Variants in MAP4K3 observed in about 807,000 individuals in gnomAD.
The protein encoded by MAP4K3 is mitogen-activated protein kinase kinase kinase kinase 3.
In MAP4K3, 94 loss-of-function variants were observed where a neutral mutation model predicts 143.5. The observed-to-expected ratio is 0.65, with a 90% confidence interval of 0.55 to 0.78. The LOEUF is 0.78. Ranked by LOEUF, MAP4K3 falls within the 30% of genes least tolerant of loss-of-function variation. The pLI is 0.00. For missense variants in MAP4K3, 1,077 were observed against 1,068.1 expected, an observed-to-expected ratio of 1.01 and a Z score of -0.12; for synonymous variants, 416 against 347.2, an observed-to-expected ratio of 1.20 and a Z score of -2.20.
At chr2:39,282,219 C>T (rs1203246102) in intron 22 of MAP4K3, among the ~76,000 whole-genome samples, 1 of 150,574 alleles carries the variant, frequency 6.6e-6, no homozygotes, top group Non-Finnish European at 1.5e-5. Context: ...AGAAAAAGGG[C>T]AGGCATGGTA....
chr2:39,410,806 T>C (rs1667213494), intron 1 of MAP4K3, among the ~76,000 whole-genome samples: 1 of 152,164 alleles, frequency 6.6e-6, no homozygotes, highest in Non-Finnish European at 1.5e-5. Context: ...AGAATAGCCA[T>C]TTTAGCTATA....
At chr2:39,396,631 G>C (rs572112477) in intron 1 of MAP4K3, among the ~76,000 whole-genome samples, 1 of 151,754 alleles carries the variant, frequency 6.6e-6, no homozygotes, top group Non-Finnish European at 1.5e-5. Context: ...CCGCCACTAC[G>C]CCCGGCTAAT....
At chr2:39,327,217 A>G (rs985199645) in intron 8 of MAP4K3, among the ~76,000 whole-genome samples, 19 of 152,216 alleles carry the variant, frequency 1.2e-4, no homozygotes, top group Non-Finnish European at 2.5e-4. Flanking sequence ...CACCAAAACT[A>G]TTCCGTCGGG....
intron 13 of MAP4K3, among the ~76,000 whole-genome samples, chr2:39,311,914 T>C (rs1682950492): frequency 1.3e-5 from 2 of 152,142 alleles, no homozygotes; most frequent in South Asian, 2.1e-4. Flanking sequence ...CTTAAAGAAA[T>C]ACTAAAAGGA....
At chr2:39,269,509 C>G (rs1392517504) in intron 26 of MAP4K3, among the ~76,000 whole-genome samples, 1 of 133,704 alleles carries the variant, frequency 7.5e-6, no homozygotes, top group Non-Finnish European at 1.5e-5. Context: ...GGGTCTCACT[C>G]TGTTGCCCAG....
chr2:39,306,098 G>C (rs931614897), intron 15 of MAP4K3, among the ~76,000 whole-genome samples: 1 of 152,148 alleles, frequency 6.6e-6, no homozygotes, highest in African/African-American at 2.4e-5. Context: ...AAACTGCTGG[G>C]ATTACAGGCA....
intron 1 of MAP4K3, among the ~76,000 whole-genome samples, chr2:39,424,332 G>A (rs1046345603): frequency 4.6e-5 from 7 of 152,076 alleles, no homozygotes; most frequent in African/African-American, 1.4e-4. Context: ...AGGGGGGAGG[G>A]GAATTAGAAT....
intron 23 of MAP4K3, among the ~76,000 whole-genome samples, chr2:39,278,844 G>A (rs1176404475): frequency 6.6e-6 from 1 of 152,040 alleles, no homozygotes; most frequent in Non-Finnish European, 1.5e-5. Flanking sequence ...AAAATCGAGA[G>A]TGGCTGATAC....
intron 26 of MAP4K3, among the ~76,000 whole-genome samples, chr2:39,268,567 C>T (rs1295361567): frequency 6.6e-6 from 1 of 151,148 alleles, no homozygotes; most frequent in Non-Finnish European, 1.5e-5. Context: ...GTGATCCGTC[C>T]GCCTCGGACT....
At chr2:39,355,434 G>A (rs1367956696) in intron 3 of MAP4K3, among the ~76,000 whole-genome samples, 1 of 150,744 alleles carries the variant, frequency 6.6e-6, no homozygotes, top group East Asian at 1.9e-4. Flanking sequence ...ATGAGGCTGA[G>A]GTGGGAGGAT....
chr2:39,260,182 T>C (rs568278094), intron 29 of MAP4K3, among the ~76,000 whole-genome samples: 1 of 152,344 alleles, frequency 6.6e-6, no homozygotes, highest in African/African-American at 2.4e-5. Context: ...GGTGCGAACA[T>C]GGCTCACTGC....
rs1665515633 is a variant in MAP4K3, at chr2:39,437,085, C to T, written c.-98G>A. ...AGGGCGCCGCGGCCGGCTCCCGGCT[C>T]CCCCGGCGGTCACAATCACCCGGCT... On this transcript the variant is annotated 5_prime_UTR_variant, in exon 1 of 34. Coordinates refer to ENST00000263881, the MANE Select transcript of MAP4K3 (RefSeq NM_003618.4). 9 of 863,326 alleles carry T rather than the reference C, an allele frequency of 1.0e-5. No homozygotes were observed. The highest frequency in any genetic ancestry group is 5.8e-5 in the South Asian group (3 of 51,886). The allele number at this position is 863,326 out of a possible 1,614,324, so 53.5% of individuals were successfully genotyped here.
chr2:39,327,038 A>G (rs566089073), intron 8 of MAP4K3, among the ~76,000 whole-genome samples: 24 of 152,302 alleles, frequency 1.6e-4, no homozygotes, highest in Non-Finnish European at 2.8e-4. Context: ...TAGTTACTAA[A>G]AAGGTTTATA....
At chr2:39,304,382 CCAGA>C (rs1189441174) in intron 15 of MAP4K3, among the ~76,000 whole-genome samples, 5 of 152,146 alleles carry the variant, frequency 3.3e-5, no homozygotes, top group African/African-American at 1.2e-4. Flanking sequence ...AAGATGAGGG[CCAGA>C]CATTCTGGAT....
At chr2:39,275,055 C>T (rs1681189800) in intron 24 of MAP4K3, among the ~76,000 whole-genome samples, 1 of 152,156 alleles carries the variant, frequency 6.6e-6, no homozygotes, top group African/African-American at 2.4e-5. Flanking sequence ...TATAGGCTCC[C>T]TCTAGGAGGG....
Position 39,373,681 on chromosome 2 carries a change from A to G in MAP4K3, c.154+4385T>C, listed in dbSNP as rs538062860. Among the ~76,000 whole-genome samples, 10 of 152,370 alleles carry G rather than the reference A, an allele frequency of 6.6e-5. No homozygotes were observed. In the South Asian group the frequency reaches 8.3e-4, roughly 13 times the overall value. Reference sequence around the variant, plus strand: ...GTCATTATGTTAAGTGATATAAACCAGGCACAGAAAGACAAACATCACATG... The same window carrying G: ...GTCATTATGTTAAGTGATATAAACCGGGCACAGAAAGACAAACATCACATG... On this transcript the variant is annotated intron_variant, in intron 2 of 33. Transcript: ENST00000263881.
At chr2:39,382,341 C>G (rs1252117566) in intron 1 of MAP4K3, among the ~76,000 whole-genome samples, 1 of 152,144 alleles carries the variant, frequency 6.6e-6, no homozygotes, top group Admixed American at 6.5e-5. Context: ...TATTGAGCCC[C>G]TTGGAGTACT....
chr2:39,359,172 T>C (rs1014923351), intron 2 of MAP4K3, among the ~76,000 whole-genome samples: 10 of 152,124 alleles, frequency 6.6e-5, no homozygotes, highest in African/African-American at 2.2e-4. Context: ...GCTGTTCCAA[T>C]GGGAGAAACT....
chr2:39,280,318 G>A lies in MAP4K3; in HGVS notation c.1668C>T (p.Pro556=). The change falls in exon 23 of 34, where the codon CCC becomes CCT. Residue 556 remains proline (P), a synonymous_variant. Coordinates refer to ENST00000263881, the MANE Select transcript of MAP4K3 (RefSeq NM_003618.4). ...ATGATGATGCACAGTGAATTTTCAA[G>A]GGACACCCATTAAAAACTTTTGAAA... ...ACFSKVFNGC[P]LKIHCASSWI... 6.2e-7 allele frequency: 1 copy of A among 1,603,704 alleles called. No homozygotes were observed.
Sources: gnomAD v4.1 joint callset for allele counts (sites outside exome capture counted in the v4.1 genomes callset) on GRCh38, gnomAD v4.1.1 for gene constraint, MANE v1.5 for transcripts, NCBI Gene and HGNC (gene_info 2026-07-23, HGNC 2026-07-21) for gene names.